LATS1: variants seen among roughly 807,000 people sequenced by gnomAD.
LATS1 encodes the protein serine/threonine-protein kinase LATS1.
Under a neutral mutation model 106.6 loss-of-function variants are expected in LATS1, and 25 were observed. The observed-to-expected ratio is 0.23, with a 90% CI of 0.17 to 0.33. LATS1 has a LOEUF of 0.33. Ranked by LOEUF, LATS1 falls within the 10% of genes least tolerant of loss-of-function variation. The probability of loss-of-function intolerance (pLI) is 1.00; values close to 1 mark genes in which losing one functional copy is unlikely to be tolerated. For synonymous variants in LATS1, 465 were observed against 455.6 expected, an observed-to-expected ratio of 1.02 and a Z score of -0.26; for missense variants, 1,040 against 1,382.6, an observed-to-expected ratio of 0.75 and a Z score of 3.93.
chr6:149,678,530 T>C (rs1045045351), intron 5 of LATS1, among the ~76,000 whole-genome samples: 9 of 152,198 alleles, frequency 5.9e-5, no homozygotes, highest in African/African-American at 1.9e-4. Context: ...GGTTCAATTG[T>C]CTCAGTTCTA....
chr6:149,666,725 G>A (rs1197316305), intron 7 of LATS1, among the ~76,000 whole-genome samples: 6 of 150,996 alleles, frequency 4.0e-5, no homozygotes, highest in Non-Finnish European at 5.9e-5. Context: ...GGCAGATCAC[G>A]AGGTCAGGAG....
intron 1 of LATS1, among the ~76,000 whole-genome samples, chr6:149,707,641 T>C (rs1440444678): frequency 6.6e-6 from 1 of 152,224 alleles, no homozygotes; most frequent in Non-Finnish European, 1.5e-5. Flanking sequence ...CTGGTATATG[T>C]GTAACAATGT....
chr6:149,673,122 G>A (rs1291014517), intron 7 of LATS1, among the ~76,000 whole-genome samples: 2 of 134,210 alleles, frequency 1.5e-5, no homozygotes, highest in Non-Finnish European at 3.1e-5. Flanking sequence ...TTTGAGATAG[G>A]ATCTTACTCT....
chr6:149,663,602 G>C (rs1780990684), intron 7 of LATS1, among the ~76,000 whole-genome samples: 1 of 151,966 alleles, frequency 6.6e-6, no homozygotes, highest in African/African-American at 2.4e-5. Flanking sequence ...ACTATAGAGG[G>C]AAGAAAAATA....
chr6:149,688,385 C>T (rs530884444), intron 3 of LATS1, among the ~76,000 whole-genome samples: 5 of 151,586 alleles, frequency 3.3e-5, no homozygotes, highest in African/African-American at 9.7e-5. Context: ...CTCAGCTCAC[C>T]GCAACCTCTG....
chr6:149,664,788 C>T (rs1449860333), intron 7 of LATS1, among the ~76,000 whole-genome samples: 1 of 152,180 alleles, frequency 6.6e-6, no homozygotes, highest in Non-Finnish European at 1.5e-5. Flanking sequence ...CTCCTAGCCT[C>T]AAGCAATCCT....
intron 1 of LATS1, among the ~76,000 whole-genome samples, chr6:149,709,638 A>G (rs1352396580): frequency 2.0e-5 from 3 of 146,458 alleles, no homozygotes; most frequent in Non-Finnish European, 4.5e-5. Flanking sequence ...TATCTGCATA[A>G]TGGGAACCCT....
At chr6:149,704,561 A>G (rs1434724184) in intron 1 of LATS1, among the ~76,000 whole-genome samples, 4 of 149,076 alleles carry the variant, frequency 2.7e-5, no homozygotes, top group Non-Finnish European at 4.4e-5. Flanking sequence ...ATCACAGCTC[A>G]CTGCAGCCTC....
At chr6:149,678,164 C>CAT (rs1781830536) in intron 5 of LATS1, among the ~76,000 whole-genome samples, 4 of 43,508 alleles carry the variant, frequency 9.2e-5, no homozygotes, top group Non-Finnish European at 1.3e-4. Context: ...ACTAAAAATC[C>CAT]AAAAAAAAAA....
Position 149,662,189 on chromosome 6 carries a change from C to T in LATS1, c.2933G>A (p.Ser978Asn). The change falls in exon 8 of 8, where the codon AGT (serine) becomes AAT (asparagine). Residue 978 changes from serine to asparagine, a missense_variant. Transcript: ENST00000543571. ...SLHIPPQAKL[S>N]PEASDLIIKL... is the part of the protein sequence containing the mutation. ...AATAATAAGATCAGAAGCTTCAGGA[C>T]TGAGTTTAGCTTGTGGTGGAATGTG... 6.2e-7 allele frequency: 1 copy of T among 1,613,168 alleles called. No homozygotes were observed. The highest frequency in any genetic ancestry group is 2.2e-5 in the East Asian group (1 of 44,876).
intron 1 of LATS1, chr6:149,716,469 T>A (rs760174496): frequency 4.6e-5 from 7 of 152,256 alleles, no homozygotes; most frequent in Non-Finnish European, 1.0e-4. Context: ...AAATAACTTT[T>A]GTGATGTATA....
intron 1 of LATS1, among the ~76,000 whole-genome samples, chr6:149,707,836 G>A (rs193055104): frequency 3.9e-5 from 6 of 152,220 alleles, no homozygotes; most frequent in Admixed American, 3.3e-4. Flanking sequence ...TTGTAGCTGA[G>A]TAATGGGTAT....
intron 1 of LATS1, among the ~76,000 whole-genome samples, chr6:149,709,848 G>C (rs1031709777): frequency 6.6e-6 from 1 of 151,596 alleles, no homozygotes; most frequent in African/African-American, 2.4e-5. Flanking sequence ...GCTAATTTTT[G>C]TATTTTTAGT....
Position 149,660,118 on chromosome 6 carries a change from A to C in LATS1, c.*1611T>G, listed in dbSNP as rs1780832801. The stretch of plus-strand genomic sequence containing the variant: ...GCCTGTGATAGGTTTCAATATGTCC[A>C]AAATCCCTTGAAACTGCATGCAACA... On this transcript the variant is annotated 3_prime_UTR_variant, in exon 8 of 8. Transcript: ENST00000543571. The C allele has an allele frequency of 4.3e-6, 1 of 232,306 alleles. No homozygotes were observed. The highest frequency in any genetic ancestry group is 2.2e-5 in the African/African-American group (1 of 45,324). The allele number at this position is 232,306 out of a possible 1,614,324, so 14.4% of individuals were successfully genotyped here.
chr6:149,706,887 C>T (rs1783801595), intron 1 of LATS1, among the ~76,000 whole-genome samples: 1 of 151,974 alleles, frequency 6.6e-6, no homozygotes, highest in African/African-American at 2.4e-5. Context: ...TTTAAGCCAC[C>T]AGGTTTATAG....
chr6:149,703,747 T>C (rs947256559), intron 1 of LATS1, among the ~76,000 whole-genome samples: 8 of 152,202 alleles, frequency 5.3e-5, no homozygotes, highest in East Asian at 1.9e-4. Context: ...AATGTGGACT[T>C]GGACATTTAA....
In LATS1 at chr6:149,684,488, G is replaced by C. The variant is rs1782248779; in HGVS notation, c.601C>G (p.His201Asp). ...GTCTGTGAGTTGGGACTCTCAGAATGATAGGCCACACTTTCTCCTAGTGGC... is the reference window on the plus strand; with the variant it reads ...GTCTGTGAGTTGGGACTCTCAGAATCATAGGCCACACTTTCTCCTAGTGGC... ...GPPLGESVAY[H>D]SESPNSQTDV... Residue 201 changes from histidine (H) to aspartate (D), a missense_variant, in exon 4 of 8, where the codon CAT becomes GAT. Physicochemically the swap from His to Asp is moderately conservative, Grantham distance 81. This residue lies in a region of LATS1 where 624 missense variants were observed against 714.8 expected (regional missense o/e 0.87). Transcript: ENST00000543571. The C allele has an allele frequency of 5.0e-6, 8 of 1,614,010 alleles. No individual in the cohort carries two copies. In the South Asian group the frequency reaches 7.7e-5, roughly 16 times the overall value.
chr6:149,707,106 C>T (rs1783823562), intron 1 of LATS1, among the ~76,000 whole-genome samples: 1 of 148,090 alleles, frequency 6.8e-6, no homozygotes, highest in Non-Finnish European at 1.5e-5. Context: ...ACCTCTGCCT[C>T]CCTGGTTCAA....
chr6:149,703,121 C>G (rs1229692992), intron 1 of LATS1, among the ~76,000 whole-genome samples: 1 of 151,726 alleles, frequency 6.6e-6, no homozygotes, highest in Non-Finnish European at 1.5e-5. Flanking sequence ...TTACAGGTGT[C>G]TGCCACCACG....
Sources: allele counts gnomAD v4.1 joint callset (sites outside exome capture counted in the v4.1 genomes callset), GRCh38; gene constraint gnomAD v4.1.1; regional missense constraint gnomAD v4.1.1; transcripts MANE v1.5; gene names NCBI Gene and HGNC (gene_info 2026-07-23, HGNC 2026-07-21).